Variants in PLCL1 observed in about 807,000 individuals in gnomAD.
The protein encoded by PLCL1 is inactive phospholipase C-like protein 1.
Under a neutral mutation model 84.4 loss-of-function variants are expected in PLCL1, and 41 were observed. The observed-to-expected ratio is 0.49, with a 90% confidence interval of 0.38 to 0.63. PLCL1 has a LOEUF of 0.63. Among genes scored for constraint, PLCL1 ranks in the 30% least tolerant of loss-of-function variants. The probability of loss-of-function intolerance (pLI) is 0.00; values close to 1 mark genes in which losing one functional copy is unlikely to be tolerated. For synonymous variants in PLCL1, 490 were observed against 488.3 expected, an observed-to-expected ratio of 1.00 and a Z score of -0.05; for missense variants, 1,206 against 1,367.8, an observed-to-expected ratio of 0.88 and a Z score of 1.87.
intron 1 of PLCL1, among the ~76,000 whole-genome samples, chr2:198,017,196 A>C (rs1208575552): frequency 1.3e-5 from 2 of 152,234 alleles, no homozygotes; most frequent in Non-Finnish European, 2.9e-5. Flanking sequence ...CTCCAAAAAC[A>C]CAACAGGAAT....
intron 5 of PLCL1, among the ~76,000 whole-genome samples, chr2:198,133,616 G>A (rs1262782972): frequency 1.3e-5 from 2 of 151,350 alleles, no homozygotes; most frequent in East Asian, 1.9e-4. Context: ...TAGAAGAAAT[G>A]TTTTGACAAG....
chr2:197,889,128 C>T (rs1211503972), intron 1 of PLCL1, among the ~76,000 whole-genome samples: 1 of 152,002 alleles, frequency 6.6e-6, no homozygotes, highest in Non-Finnish European at 1.5e-5. Context: ...ATCATCTAGC[C>T]CCGGGCTTGT....
intron 1 of PLCL1, among the ~76,000 whole-genome samples, chr2:197,911,139 T>G (rs1270437280): frequency 1.3e-5 from 2 of 152,064 alleles, no homozygotes; most frequent in African/African-American, 4.8e-5. Context: ...GCTCACAAGT[T>G]TGAGACCAGC....
At chr2:197,925,846 C>T (rs973292080) in intron 1 of PLCL1, among the ~76,000 whole-genome samples, 1 of 151,034 alleles carries the variant, frequency 6.6e-6, no homozygotes, top group African/African-American at 2.4e-5. Context: ...TAGCTGGAGA[C>T]CTGATTTTTC....
At chr2:198,061,289 A>G (rs1466561411) in intron 1 of PLCL1, among the ~76,000 whole-genome samples, 2 of 152,218 alleles carry the variant, frequency 1.3e-5, no homozygotes, top group African/African-American at 2.4e-5. Flanking sequence ...CTTTCAATAC[A>G]TTTATATCTT....
At chr2:197,850,997 A>G (rs1178401409) in intron 1 of PLCL1, among the ~76,000 whole-genome samples, 4 of 152,174 alleles carry the variant, frequency 2.6e-5, no homozygotes, top group Non-Finnish European at 5.9e-5. Flanking sequence ...AAGGAAGCCT[A>G]CCTGTTTTTC....
chr2:197,988,232 T>A (rs1001306798), intron 1 of PLCL1, among the ~76,000 whole-genome samples: 1 of 152,136 alleles, frequency 6.6e-6, no homozygotes, highest in African/African-American at 2.4e-5. Context: ...ATAGTGTTGA[T>A]CACTTATTTT....
intron 1 of PLCL1, among the ~76,000 whole-genome samples, chr2:198,043,686 C>A (rs1387033755): frequency 6.6e-6 from 1 of 152,040 alleles, no homozygotes; most frequent in Admixed American, 6.6e-5. Context: ...ATCTAGTGTT[C>A]TCAGGAAGAG....
At position 198,085,782 on chromosome 2, in the gene PLCL1, CG is replaced by C. The variant is rs748284103; in HGVS notation, c.2267del (p.Gly756GlufsTer31). The C allele has an allele frequency of 2.5e-6, 4 of 1,613,962 alleles. No individual in the cohort carries two copies. Among genetic ancestry groups the C allele is most frequent in the Non-Finnish European group, 3.4e-6 (4 of 1,179,838 alleles). ...IDPYVCIEIH[G>X]IPADCSEQRT... ...ATCCCTATGTTTGTATAGAGATACA[CG>C]GAATTCCAGCGGATTGTTCGGAACA... On this transcript the variant is annotated frameshift_variant, in exon 2 of 6. Transcript: ENST00000428675. LOFTEE classifies it high-confidence loss of function. The surrounding 1 kb of genome is among the most constrained non-coding windows in gnomAD (Gnocchi z 5.3).
At chr2:197,998,446 A>G (rs991731301) in intron 1 of PLCL1, among the ~76,000 whole-genome samples, 2 of 152,018 alleles carry the variant, frequency 1.3e-5, no homozygotes, top group African/African-American at 2.4e-5. Context: ...TGATGGTTTC[A>G]TAGATGTCCA....
intron 1 of PLCL1, among the ~76,000 whole-genome samples, chr2:198,066,071 A>G (rs1023083362): frequency 7.2e-5 from 11 of 152,188 alleles, no homozygotes; most frequent in African/African-American, 2.7e-4. Flanking sequence ...TGAGATTACC[A>G]ATACCACTAT....
rs759050421 is a variant in PLCL1, at chr2:198,083,748, T to A, written c.241-10T>A. 3 of 1,543,186 alleles carry A rather than the reference T, an allele frequency of 1.9e-6. No homozygotes were observed. The South Asian group carries it at 3.7e-5, about 19-fold the overall frequency. On this transcript the variant is annotated splice_polypyrimidine_tract_variant and intron_variant, in intron 1 of 5. Transcript: ENST00000428675. The stretch of plus-strand genomic sequence containing the variant: ...GGAAATTGATTCATTTTTTTCAAAT[T>A]ATTTTACAGGATCCTTCAAACCAAA...
chr2:197,926,839 G>C (rs552087291), intron 1 of PLCL1, among the ~76,000 whole-genome samples: 19 of 152,068 alleles, frequency 1.2e-4, no homozygotes, highest in Non-Finnish European at 1.6e-4. Context: ...TGTGGTACTC[G>C]TTTGGGTTTG....
At chr2:197,945,798 T>C (rs1689260220) in intron 1 of PLCL1, among the ~76,000 whole-genome samples, 1 of 152,226 alleles carries the variant, frequency 6.6e-6, no homozygotes. Context: ...GTTATTATTA[T>C]TGTTTCTGTT....
intron 1 of PLCL1, among the ~76,000 whole-genome samples, chr2:198,035,366 A>G (rs1691531349): frequency 6.6e-6 from 1 of 152,216 alleles, no homozygotes; most frequent in African/African-American, 2.4e-5. Flanking sequence ...CATAAGTAGT[A>G]CCATTATCTT....
chr2:197,875,794 T>A (rs1380387722), intron 1 of PLCL1, among the ~76,000 whole-genome samples: 1 of 152,086 alleles, frequency 6.6e-6, no homozygotes, highest in Admixed American at 6.6e-5. Flanking sequence ...TTCCAAGTCA[T>A]TTACATATTT....
At chr2:197,968,026 C>T (rs893457350) in intron 1 of PLCL1, among the ~76,000 whole-genome samples, 3 of 152,160 alleles carry the variant, frequency 2.0e-5, no homozygotes, top group Admixed American at 2.0e-4. Flanking sequence ...AGAACATAGC[C>T]ATTATTGAGC....
At chr2:197,820,496 T>C (rs1029263870) in intron 1 of PLCL1, among the ~76,000 whole-genome samples, 1 of 152,096 alleles carries the variant, frequency 6.6e-6, no homozygotes, top group African/African-American at 2.4e-5. Context: ...GCTCACATCA[T>C]AGGGAATCAG....
At chr2:197,809,019 A>G (rs912958857) in intron 1 of PLCL1, among the ~76,000 whole-genome samples, 53 of 152,128 alleles carry the variant, frequency 3.5e-4, no homozygotes, top group Non-Finnish European at 2.5e-4. Context: ...ATTATTTTAT[A>G]TCATGGCGAG....
Sources: allele counts gnomAD v4.1 joint callset (sites outside exome capture counted in the v4.1 genomes callset), GRCh38; gene constraint gnomAD v4.1.1; non-coding constraint Gnocchi (gnomAD v3.1); transcripts MANE v1.5; gene names NCBI Gene and HGNC (gene_info 2026-07-23, HGNC 2026-07-21).